DCC: variants seen among roughly 807,000 people sequenced by gnomAD.
DCC encodes DCC netrin 1 receptor.
DCC carries 58 observed loss-of-function variants against 172.5 expected under a neutral mutation model. That is an observed-to-expected ratio of 0.34 (90% confidence interval 0.27 to 0.42). The LOEUF is 0.42. Among genes scored for constraint, DCC ranks in the 10% least tolerant of loss-of-function variants. DCC has a pLI of 1.00. For missense variants in DCC, 1,740 were observed against 1,791.0 expected (o/e 0.97, Z 0.51); for synonymous variants, 709 against 644.5 (o/e 1.10, Z -1.52).
intron 23 of DCC, among the ~76,000 whole-genome samples, chr18:53,451,039 C>A (rs2145150478): frequency 6.6e-6 from 1 of 152,238 alleles, no homozygotes; most frequent in Non-Finnish European, 1.5e-5. Flanking sequence ...TCTCTGTGTG[C>A]ACTTATTTAC....
intron 7 of DCC, among the ~76,000 whole-genome samples, chr18:53,123,250 G>T (rs758704027): frequency 7.9e-5 from 12 of 152,054 alleles, no homozygotes; most frequent in Non-Finnish European, 1.6e-4. Context: ...TTTGAGTTGA[G>T]ATCTAAATGA....
chr18:52,778,224 A>T (rs73955986), intron 2 of DCC, among the ~76,000 whole-genome samples: 4,691 of 152,292 alleles, frequency 0.031, 279 homozygotes, highest in African/African-American at 0.11. Flanking sequence ...TAGAGAGTGA[A>T]ACTATTGTAT....
chr18:52,640,630 A>G (rs1238362653), intron 1 of DCC, among the ~76,000 whole-genome samples: 3 of 151,920 alleles, frequency 2.0e-5, no homozygotes, highest in Admixed American at 6.6e-5. Flanking sequence ...AAAAAAGAAA[A>G]AAAAAACTTA....
At chr18:52,709,897 A>T (rs1265558155) in intron 1 of DCC, among the ~76,000 whole-genome samples, 1 of 152,228 alleles carries the variant, frequency 6.6e-6, no homozygotes, top group African/African-American at 2.4e-5. Flanking sequence ...AATAGCAGTG[A>T]GATAGATTTT....
At chr18:53,487,755 G>T (rs1555678366) in intron 26 of DCC, among the ~76,000 whole-genome samples, 1 of 152,086 alleles carries the variant, frequency 6.6e-6, no homozygotes, top group Non-Finnish European at 1.5e-5. Flanking sequence ...AGAATTAAAA[G>T]GCATCAAAGA....
intron 1 of DCC, among the ~76,000 whole-genome samples, chr18:52,700,201 TACACACATGCACATGTGCACAC>T (rs1228027220): frequency 7.8e-5 from 11 of 141,396 alleles, no homozygotes; most frequent in African/African-American, 2.9e-4. Flanking sequence ...CACACGCACA[TACACACATGCACATGTGCACAC>T]ACATGCACAC....
intron 2 of DCC, among the ~76,000 whole-genome samples, chr18:52,799,115 G>T (rs1244158222): frequency 1.3e-5 from 2 of 152,182 alleles, no homozygotes; most frequent in Non-Finnish European, 2.9e-5. Flanking sequence ...AAATGTTCTT[G>T]TGATGCTTAA....
At chr18:52,922,439 C>G (rs905545295) in intron 3 of DCC, among the ~76,000 whole-genome samples, 1 of 152,124 alleles carries the variant, frequency 6.6e-6, no homozygotes, top group Non-Finnish European at 1.5e-5. Context: ...ACCAGCAGCT[C>G]ATGCTATGAC....
At chr18:52,828,138 A>C (rs2038546114) in intron 2 of DCC, among the ~76,000 whole-genome samples, 1 of 152,142 alleles carries the variant, frequency 6.6e-6, no homozygotes, top group South Asian at 2.1e-4. Context: ...TTTAGTAGCC[A>C]TGTTACTCCT....
chr18:53,349,109 C>T (rs900893183), intron 15 of DCC, among the ~76,000 whole-genome samples: 1 of 152,146 alleles, frequency 6.6e-6, no homozygotes, highest in African/African-American at 2.4e-5. Flanking sequence ...AAACTGGATG[C>T]CTTTAATGGC....
At chr18:53,094,014 T>C (rs1008372358) in intron 7 of DCC, among the ~76,000 whole-genome samples, 1 of 152,148 alleles carries the variant, frequency 6.6e-6, no homozygotes, top group African/African-American at 2.4e-5. Context: ...TTAAAAAAAG[T>C]CGTCACCCAC....
chr18:52,638,393 G>A (rs879591436), intron 1 of DCC, among the ~76,000 whole-genome samples: 13 of 152,086 alleles, frequency 8.5e-5, no homozygotes, highest in African/African-American at 1.2e-4. Flanking sequence ...AAAAGATACA[G>A]AACCACAGAA....
intron 2 of DCC, among the ~76,000 whole-genome samples, chr18:52,760,716 C>T (rs751372688): frequency 2.0e-5 from 3 of 152,086 alleles, no homozygotes; most frequent in Non-Finnish European, 2.9e-5. Flanking sequence ...TATTTGGACT[C>T]AATAACTGTA....
At chr18:52,455,322 C>T (rs1162390231) in intron 1 of DCC, among the ~76,000 whole-genome samples, 1 of 152,110 alleles carries the variant, frequency 6.6e-6, no homozygotes, top group Non-Finnish European at 1.5e-5. Context: ...CTTTTATTTA[C>T]ATCATCCATT....
chr18:52,609,624 T>C (rs1031402219), intron 1 of DCC, among the ~76,000 whole-genome samples: 2 of 152,014 alleles, frequency 1.3e-5, no homozygotes, highest in South Asian at 2.1e-4. Flanking sequence ...ATTTTAAACA[T>C]TCCTCTCTGT....
chr18:53,176,567 C>G (rs1161403914), intron 8 of DCC, among the ~76,000 whole-genome samples: 4 of 151,988 alleles, frequency 2.6e-5, no homozygotes, highest in South Asian at 2.1e-4. Flanking sequence ...AGCCAAAAAA[C>G]ACATGAAAAA....
chr18:52,783,234 C>T (rs2037582193), intron 2 of DCC, among the ~76,000 whole-genome samples: 1 of 149,542 alleles, frequency 6.7e-6, no homozygotes, highest in South Asian at 2.1e-4. Context: ...ACAGCAACTG[C>T]TCTTAAAAGT....
chr18:53,361,256 G>C (rs2057942672), intron 15 of DCC, among the ~76,000 whole-genome samples: 1 of 152,114 alleles, frequency 6.6e-6, no homozygotes, highest in Admixed American at 6.6e-5. Context: ...TTGGACTTCA[G>C]AACTGTGAAG....
At chr18:52,482,850 T>G (rs987748301) in intron 1 of DCC, among the ~76,000 whole-genome samples, 1 of 152,158 alleles carries the variant, frequency 6.6e-6, no homozygotes, top group East Asian at 1.9e-4. Context: ...CCCTTTCGTA[T>G]GTTGGATGTC....
Sources: allele counts gnomAD v4.1 joint callset (sites outside exome capture counted in the v4.1 genomes callset), GRCh38; gene constraint gnomAD v4.1.1; transcripts MANE v1.5; gene names NCBI Gene and HGNC (gene_info 2026-07-23, HGNC 2026-07-21).